Variants in PRKCA observed in about 807,000 individuals in gnomAD.
PRKCA encodes the protein protein kinase C alpha type.
PRKCA carries 27 observed loss-of-function variants against 87.0 expected under a neutral mutation model. The ratio of observed to expected loss-of-function variants is 0.31; its 90% confidence interval spans 0.23 to 0.43. PRKCA has a LOEUF of 0.43. PRKCA is among the 20% of genes least tolerant of loss of function. The probability of loss-of-function intolerance (pLI) is 1.00; values close to 1 mark genes in which losing one functional copy is unlikely to be tolerated. For synonymous variants in PRKCA, 329 were observed against 311.1 expected (o/e 1.06, Z -0.61); for missense variants, 518 against 852.3 (o/e 0.61, Z 4.88).
At chr17:66,538,743 G>A (rs984497461) in intron 3 of PRKCA, among the ~76,000 whole-genome samples, 1 of 152,162 alleles carries the variant, frequency 6.6e-6, no homozygotes, top group Non-Finnish European at 1.5e-5. Flanking sequence ...AGTGGCATTT[G>A]GGATTTGAGG....
intron 3 of PRKCA, among the ~76,000 whole-genome samples, chr17:66,625,551 A>G (rs1970830067): frequency 6.6e-6 from 1 of 152,210 alleles, no homozygotes; most frequent in South Asian, 2.1e-4. Flanking sequence ...AGAAGATAGC[A>G]TTATCACTTA....
At chr17:66,788,719 T>G in intron 15 of PRKCA, 120 bp from the exon 16 acceptor site, 33 of 1,198,348 alleles carry the variant, frequency 2.8e-5, no homozygotes, top group Non-Finnish European at 3.6e-5. Context: ...GTCAGCTCTC[T>G]GAGATGCTGT....
In PRKCA at chr17:66,689,086, G is replaced by A. The variant is rs779810615; in HGVS notation, c.918+39G>A. The A allele has an allele frequency of 7.2e-6, 10 of 1,379,522 alleles. No individual in the cohort carries two copies. The highest frequency in any genetic ancestry group is 1.5e-5 in the African/African-American group (1 of 68,020). The allele number at this position is 1,379,522 out of a possible 1,614,324, so 85.5% of individuals were successfully genotyped here. On this transcript the variant is annotated intron_variant, in intron 8 of 16. Transcript: ENST00000413366. The surrounding 1 kb of genome is among the most constrained non-coding windows in gnomAD (Gnocchi z 4.1). ...AATGCCCGGAAACACCTTTCCTTTA[G>A]AAAGCCCAACTTCAGGAACGGCCGA... is the stretch of plus-strand genomic sequence containing the variant.
At chr17:66,669,797 G>C (rs1972129236) in intron 5 of PRKCA, among the ~76,000 whole-genome samples, 1 of 152,180 alleles carries the variant, frequency 6.6e-6, no homozygotes, top group Admixed American at 6.5e-5. Flanking sequence ...AGCTACTCTG[G>C]AGGCTGAGGC....
chr17:66,470,896 A>G (rs956532088), intron 2 of PRKCA, among the ~76,000 whole-genome samples: 1 of 152,194 alleles, frequency 6.6e-6, no homozygotes, highest in African/African-American at 2.4e-5. Context: ...ATCTCCAACT[A>G]AGAGTGTGTA....
chr17:66,565,240 C>A (rs529740745), intron 3 of PRKCA, among the ~76,000 whole-genome samples: 52 of 152,316 alleles, frequency 3.4e-4, no homozygotes, highest in African/African-American at 1.2e-3. Flanking sequence ...ACTCAGCCCG[C>A]ATCCCTTCCT....
chr17:66,737,620 C>A (rs9909896), intron 10 of PRKCA, among the ~76,000 whole-genome samples: 21,693 of 152,148 alleles, frequency 0.14, 1,849 homozygotes, highest in East Asian at 0.29. Context: ...TTGCAGCCAC[C>A]CGGAGCCTCT....
intron 2 of PRKCA, among the ~76,000 whole-genome samples, chr17:66,440,563 C>G (rs543996373): frequency 6.6e-6 from 1 of 152,172 alleles, no homozygotes; most frequent in Non-Finnish European, 1.5e-5. Context: ...AGAGCCACAG[C>G]GGCAGTGAGT....
chr17:66,788,871 C>T lies in PRKCA; in HGVS notation c.1746C>T (p.Gly582=), dbSNP rs1485104449. ...LMTKHPAKRL[G]CGPEGERDVR... ...CCAAACACCCAGCCAAGCGGCTGGG[C>T]TGTGGGCCTGAGGGGGAGAGGGACG... The change falls in exon 16 of 17, where the codon GGC becomes GGT. Residue 582 remains glycine, a synonymous_variant. Coordinates refer to ENST00000413366, the MANE Select transcript of PRKCA (RefSeq NM_002737.3). 2 of 1,614,054 alleles carry T rather than the reference C, an allele frequency of 1.2e-6. No homozygotes were observed. The highest frequency in any genetic ancestry group is 1.7e-6 in the Non-Finnish European group (2 of 1,179,980).
chr17:66,499,000 C>T (rs151213495), intron 3 of PRKCA, among the ~76,000 whole-genome samples: 6 of 152,170 alleles, frequency 3.9e-5, no homozygotes, highest in East Asian at 3.9e-4. Context: ...GTCACATTGG[C>T]GGTTAAGTTT....
At chr17:66,673,770 T>C (rs1422271363) in intron 5 of PRKCA, among the ~76,000 whole-genome samples, 1 of 152,220 alleles carries the variant, frequency 6.6e-6, no homozygotes, top group Non-Finnish European at 1.5e-5. Context: ...TTTTATTTCC[T>C]GAAATCTAGA....
chr17:66,765,534 AT>A (rs1190301406), intron 13 of PRKCA, among the ~76,000 whole-genome samples: 2 of 144,412 alleles, frequency 1.4e-5, no homozygotes, highest in East Asian at 4.0e-4. Context: ...TTATATATAT[AT>A]GTCTTTATAT....
intron 14 of PRKCA, chr17:66,777,136 A>G (rs956820650): frequency 1.2e-6 from 1 of 820,070 alleles, no homozygotes; most frequent in East Asian, 1.2e-4. Flanking sequence ...GTCGCCTGAC[A>G]TTCCTGGTGG....
At chr17:66,484,466 A>G (rs1915916465) in intron 2 of PRKCA, among the ~76,000 whole-genome samples, 1 of 152,188 alleles carries the variant, frequency 6.6e-6, no homozygotes, top group Non-Finnish European at 1.5e-5. Context: ...ATTATATGAA[A>G]TAATTTGGGG....
chr17:66,360,933 C>T (rs1241771351), intron 2 of PRKCA, among the ~76,000 whole-genome samples: 5 of 149,754 alleles, frequency 3.3e-5, no homozygotes, highest in Non-Finnish European at 5.9e-5. Flanking sequence ...TTAAGAGTAT[C>T]GTCTTTATCT....
chr17:66,472,985 G>A (rs973048029), intron 2 of PRKCA, among the ~76,000 whole-genome samples: 1 of 152,074 alleles, frequency 6.6e-6, no homozygotes, highest in African/African-American at 2.4e-5. Flanking sequence ...GAAATTTAGA[G>A]CATCATCGTA....
chr17:66,671,159 C>T (rs1287631698), intron 5 of PRKCA, among the ~76,000 whole-genome samples: 1 of 126,846 alleles, frequency 7.9e-6, no homozygotes, highest in Non-Finnish European at 1.6e-5. Context: ...TGCAGTGAGC[C>T]GAGATTGCAC....
chr17:66,707,608 G>GT (rs2144114873), intron 8 of PRKCA, among the ~76,000 whole-genome samples: 1 of 152,318 alleles, frequency 6.6e-6, no homozygotes, highest in Admixed American at 6.5e-5. Flanking sequence ...CCAGAAATCA[G>GT]TAATTCTGGA....
intron 5 of PRKCA, among the ~76,000 whole-genome samples, chr17:66,678,296 T>C (rs183655180): frequency 4.6e-5 from 7 of 152,350 alleles, no homozygotes; most frequent in Admixed American, 3.3e-4. Flanking sequence ...AACATGGCCC[T>C]GCAGAGCCCC....
Sources: allele counts gnomAD v4.1 joint callset (sites outside exome capture counted in the v4.1 genomes callset), GRCh38; gene constraint gnomAD v4.1.1; non-coding constraint Gnocchi (gnomAD v3.1); transcripts MANE v1.5; gene names NCBI Gene and HGNC (gene_info 2026-07-23, HGNC 2026-07-21).